The following BEND4 variants were observed in gnomAD, a reference collection of about 807,000 sequenced individuals.
The protein encoded by BEND4 is BEN domain containing 4.
BEND4 carries 27 observed loss-of-function variants against 54.7 expected under a neutral mutation model. The observed-to-expected ratio is 0.49, with a 90% CI of 0.36 to 0.68. The LOEUF (loss-of-function observed/expected upper bound fraction) is 0.68, where lower values mean the gene tolerates loss of function less well. Among genes scored for constraint, BEND4 ranks in the 30% least tolerant of loss-of-function variants. BEND4 has a pLI of 0.00. For synonymous variants in BEND4, 327 were observed against 299.5 expected (o/e 1.09, Z -0.95); for missense variants, 702 against 697.2 (o/e 1.01, Z -0.08).
intron 3 of BEND4, among the ~76,000 whole-genome samples, chr4:42,142,353 C>A (rs1031049306): frequency 6.6e-6 from 1 of 150,548 alleles, no homozygotes; most frequent in African/African-American, 2.4e-5. Flanking sequence ...GGCGCAGTGG[C>A]TCATGCCTGT....
chr4:42,150,173 G>A (rs1721213681), intron 2 of BEND4, among the ~76,000 whole-genome samples: 1 of 152,078 alleles, frequency 6.6e-6, no homozygotes, highest in Non-Finnish European at 1.5e-5. Context: ...TCTCAAGCCA[G>A]AAAGAAAGAA....
chr4:42,139,410 C>T (rs1300898653), intron 3 of BEND4, among the ~76,000 whole-genome samples: 1 of 151,898 alleles, frequency 6.6e-6, no homozygotes, highest in South Asian at 2.1e-4. Flanking sequence ...TAACACTGCC[C>T]CTCTCAGAGT....
At chr4:42,148,675 T>C (rs1421434644) in intron 2 of BEND4, among the ~76,000 whole-genome samples, 1 of 152,244 alleles carries the variant, frequency 6.6e-6, no homozygotes, top group African/African-American at 2.4e-5. Context: ...AGATAAAATA[T>C]CTGCCTGACT....
chr4:42,128,892 T>TCAC (rs1720402375), intron 3 of BEND4, among the ~76,000 whole-genome samples: 1 of 151,618 alleles, frequency 6.6e-6, no homozygotes, highest in South Asian at 2.1e-4. Context: ...GCCGAGACTG[T>TCAC]GCCACCGCAC....
chr4:42,115,333 GT>G lies in BEND4; in HGVS notation c.*2184del, dbSNP rs1719760821. ...GCTGCCCCCCGCCCTTGCAGCAGTG[GT>G]GCAGGTGCGTTGTCATGTACGGCCA... On this transcript the variant is annotated 3_prime_UTR_variant, in exon 6 of 6. Transcript: ENST00000502486. 1 of 152,258 alleles carries G rather than the reference GT, an allele frequency of 6.6e-6. No individual in the cohort carries two copies. The highest frequency in any genetic ancestry group is 6.5e-5 in the Admixed American group (1 of 15,278). The allele number at this position is 152,258 out of a possible 1,614,324, so 9.4% of individuals were successfully genotyped here. A position where few individuals can be genotyped will look rare whatever the true frequency, so the allele number is the denominator to read the frequency against.
At chr4:42,143,331 A>G (rs1720954698) in intron 3 of BEND4, 97 bp downstream of exon 3, 2 of 1,103,542 alleles carry the variant, frequency 1.8e-6, no homozygotes, top group Non-Finnish European at 2.6e-6. Context: ...ACATACATAT[A>G]CACATACACA....
intron 3 of BEND4, among the ~76,000 whole-genome samples, chr4:42,130,202 T>C (rs907613384): frequency 5.9e-5 from 9 of 152,038 alleles, no homozygotes; most frequent in African/African-American, 1.9e-4. Context: ...ACAATGAGGC[T>C]GGGCGCAGTG....
At chr4:42,119,685 C>T (rs1560574672) in intron 5 of BEND4, among the ~76,000 whole-genome samples, 1 of 152,090 alleles carries the variant, frequency 6.6e-6, no homozygotes, top group Non-Finnish European at 1.5e-5. Context: ...CAAACTAGAA[C>T]TGGAAATGAG....
intron 3 of BEND4, among the ~76,000 whole-genome samples, chr4:42,131,041 A>G (rs1720489043): frequency 6.6e-6 from 1 of 152,112 alleles, no homozygotes; most frequent in Admixed American, 6.5e-5. Context: ...ACATGGAGGG[A>G]AACAATACAC....
intron 2 of BEND4, among the ~76,000 whole-genome samples, chr4:42,150,822 T>C (rs1476315776): frequency 6.6e-6 from 1 of 151,786 alleles, no homozygotes; most frequent in Admixed American, 6.5e-5. Flanking sequence ...CCACGAGGCG[T>C]TTCTGTAAGG....
intron 3 of BEND4, among the ~76,000 whole-genome samples, chr4:42,136,508 G>C: frequency 6.6e-6 from 1 of 152,220 alleles, no homozygotes; most frequent in East Asian, 1.9e-4. Context: ...ATCAGAACTT[G>C]TGGTGCTTTT....
intron 3 of BEND4, among the ~76,000 whole-genome samples, chr4:42,131,563 GGGCTTACA>G (rs1319636246): frequency 1.3e-5 from 2 of 152,160 alleles, no homozygotes; most frequent in Non-Finnish European, 2.9e-5. Flanking sequence ...AGTCCTGGAA[GGGCTTACA>G]GGCTGGCTCT....
intron 3 of BEND4, among the ~76,000 whole-genome samples, chr4:42,128,898 C>G (rs113510812): frequency 4.6e-5 from 7 of 151,760 alleles, no homozygotes; most frequent in Non-Finnish European, 1.0e-4. Context: ...ACTGTGCCAC[C>G]GCACTCCAGC....
intron 4 of BEND4, among the ~76,000 whole-genome samples, chr4:42,121,430 G>C (rs1200377727): frequency 6.6e-6 from 1 of 152,234 alleles, no homozygotes; most frequent in Non-Finnish European, 1.5e-5. Context: ...GAAGGCAACT[G>C]AGGCACCTAG....
At chr4:42,145,550 G>A (rs1018163204) in intron 2 of BEND4, among the ~76,000 whole-genome samples, 1 of 151,974 alleles carries the variant, frequency 6.6e-6, no homozygotes, top group Non-Finnish European at 1.5e-5. Flanking sequence ...AAATTAGCTG[G>A]ACATGGTGGC....
At chr4:42,142,493 C>A (rs916772900) in intron 3 of BEND4, among the ~76,000 whole-genome samples, 1 of 150,306 alleles carries the variant, frequency 6.7e-6, no homozygotes, top group East Asian at 2.0e-4. Context: ...ACTTGCCAGG[C>A]GTGGTGGTGG....
At position 42,140,676 on chromosome 4, in the gene BEND4, G is replaced by A. The variant is rs116274314; in HGVS notation, c.1054+2752C>T. On this transcript the variant is annotated intron_variant, in intron 3 of 5. Transcript: ENST00000502486. ...GCTATGGGTTCGGTAAGTGAGAGGCGGACTGAACCCCAAGTTTGCTTAGGG... is the reference window on the plus strand; with the variant it reads ...GCTATGGGTTCGGTAAGTGAGAGGCAGACTGAACCCCAAGTTTGCTTAGGG... Among the ~76,000 whole-genome samples, 1,416 of 152,208 alleles carry A rather than the reference G, an allele frequency of 9.3e-3. 16 individuals carry two copies. The highest frequency in any genetic ancestry group is 0.014 in the Non-Finnish European group (966 of 68,016).
In BEND4 at chr4:42,125,630, G is replaced by A. The variant is rs1560576745; in HGVS notation, c.1099C>T (p.His367Tyr). The A allele has an allele frequency of 6.2e-7, 1 of 1,613,712 alleles. No homozygotes were observed. The highest frequency in any genetic ancestry group is 8.5e-7 in the Non-Finnish European group (1 of 1,179,754). Reference sequence around the variant, plus strand: ...TGTGGTATCAGGAGTTGGTTGTGGTGCTGCAGAACCATCTTCAAGTAATCT... The same window carrying A: ...TGTGGTATCAGGAGTTGGTTGTGGTACTGCAGAACCATCTTCAAGTAATCT... ...VLDYLKMVLQ[H>Y]HNQLLIPQPA... The change falls in exon 4 of 6, where the codon CAC (histidine) becomes TAC (tyrosine). Residue 367 changes from histidine (H) to tyrosine (Y), a missense_variant. Transcript: ENST00000502486.
chr4:42,117,967 A>T (rs2153144398), intron 5 of BEND4, among the ~76,000 whole-genome samples: 1 of 152,246 alleles, frequency 6.6e-6, no homozygotes, highest in Admixed American at 6.5e-5. Flanking sequence ...ATAGAGGGTA[A>T]TCCCTCTAAG....
Sources: gnomAD v4.1 joint callset for allele counts (sites outside exome capture counted in the v4.1 genomes callset) on GRCh38, gnomAD v4.1.1 for gene constraint, MANE v1.5 for transcripts, NCBI Gene and HGNC (gene_info 2026-07-23, HGNC 2026-07-21) for gene names.